DAB1: variants seen among roughly 807,000 people sequenced by gnomAD.
DAB1 encodes disabled homolog 1.
A neutral mutation model predicts 64.6 loss-of-function variants in DAB1; 15 were observed. The ratio of observed to expected loss-of-function variants is 0.23; its 90% CI spans 0.16 to 0.36. DAB1 has a LOEUF of 0.36. Ranked by LOEUF, DAB1 falls within the 10% of genes least tolerant of loss-of-function variation. DAB1 has a pLI of 1.00. For missense variants in DAB1, 596 were observed against 706.7 expected (o/e 0.84, Z 1.78); for synonymous variants, 235 against 251.9 (o/e 0.93, Z 0.64).
At chr1:57,032,520 G>C (rs867588477) in intron 9 of DAB1, among the ~76,000 whole-genome samples, 1 of 152,010 alleles carries the variant, frequency 6.6e-6, no homozygotes, top group Non-Finnish European at 1.5e-5. Flanking sequence ...TTTCTGTTTT[G>C]CTTCCTATGA....
At chr1:58,156,092 A>T (rs917370409) in intron 4 of DAB1, among the ~76,000 whole-genome samples, 2 of 152,168 alleles carry the variant, frequency 1.3e-5, no homozygotes, top group African/African-American at 4.8e-5. Flanking sequence ...ACACTATTTC[A>T]CTCATCAACA....
chr1:57,831,259 C>A (rs1412845717), intron 1 of DAB1, among the ~76,000 whole-genome samples: 1 of 152,050 alleles, frequency 6.6e-6, no homozygotes, highest in African/African-American at 2.4e-5. Context: ...TTCTGTGTGA[C>A]CCTTCCTGGG....
chr1:57,304,002 C>A (rs1242476612), intron 1 of DAB1, among the ~76,000 whole-genome samples: 1 of 152,190 alleles, frequency 6.6e-6, no homozygotes, highest in East Asian at 1.9e-4. Context: ...CTATACCTGT[C>A]ATCGGAACCC....
intron 7 of DAB1, among the ~76,000 whole-genome samples, chr1:57,493,762 G>GCACACACA (rs1414667024): frequency 5.3e-5 from 8 of 150,092 alleles, no homozygotes; most frequent in African/African-American, 2.0e-4. Context: ...CGTATTCACA[G>GCACACACA]CTCACACACA....
intron 5 of DAB1, among the ~76,000 whole-genome samples, chr1:58,039,394 C>T (rs1647099010): frequency 6.6e-6 from 1 of 152,192 alleles, no homozygotes; most frequent in Non-Finnish European, 1.5e-5. Flanking sequence ...TGATCAGGGT[C>T]CTGCCTTCCC....
chr1:57,521,881 G>A (rs956106586), intron 7 of DAB1, among the ~76,000 whole-genome samples: 6 of 152,214 alleles, frequency 3.9e-5, no homozygotes, highest in East Asian at 3.9e-4. Flanking sequence ...TGGCTGAGGC[G>A]GGCGGATCAC....
intron 4 of DAB1, among the ~76,000 whole-genome samples, chr1:58,164,400 T>C (rs1655710460): frequency 6.6e-6 from 1 of 152,144 alleles, no homozygotes; most frequent in South Asian, 2.1e-4. Flanking sequence ...GCAAAGAACA[T>C]ATCAAAATAG....
At chr1:57,978,430 G>A (rs116008187) in intron 5 of DAB1, among the ~76,000 whole-genome samples, 1,777 of 152,158 alleles carry the variant, frequency 0.012, 35 homozygotes, top group African/African-American at 0.041. Flanking sequence ...ATGGATCAAA[G>A]ACTCAAACGT....
chr1:58,062,856 C>T (rs1033713927), intron 5 of DAB1, among the ~76,000 whole-genome samples: 1 of 152,170 alleles, frequency 6.6e-6, no homozygotes, highest in African/African-American at 2.4e-5. Flanking sequence ...CAAGAAATGT[C>T]AAGAAAGCAC....
At chr1:57,400,753 C>T (rs150202457) in intron 1 of DAB1, among the ~76,000 whole-genome samples, 72 of 151,988 alleles carry the variant, frequency 4.7e-4, no homozygotes, top group African/African-American at 1.5e-3. Flanking sequence ...GAGAAGCAAT[C>T]ATAGCTTGTG....
chr1:57,672,695 A>T (rs964616004), intron 6 of DAB1, among the ~76,000 whole-genome samples: 1 of 152,176 alleles, frequency 6.6e-6, no homozygotes, highest in African/African-American at 2.4e-5. Context: ...TTTTGGAATA[A>T]TATCTTAGAG....
intron 4 of DAB1, among the ~76,000 whole-genome samples, chr1:57,077,085 C>A (rs1055496657): frequency 6.6e-6 from 1 of 152,062 alleles, no homozygotes; most frequent in East Asian, 1.9e-4. Context: ...CAGGAATGGG[C>A]GAAGGGCATC....
intron 6 of DAB1, among the ~76,000 whole-genome samples, chr1:57,694,170 ATTAACTT>A: frequency 6.6e-6 from 1 of 152,312 alleles, no homozygotes; most frequent in Non-Finnish European, 1.5e-5. Flanking sequence ...GATAGCTGTG[ATTAACTT>A]TTAAGTTTTG....
intron 1 of DAB1, among the ~76,000 whole-genome samples, chr1:57,297,166 A>G (rs565644049): frequency 6.6e-6 from 1 of 152,296 alleles, no homozygotes; most frequent in East Asian, 1.9e-4. Context: ...GTAATAAAAG[A>G]CAAAGAGAAG....
chr1:57,973,277 A>T (rs1378797528), intron 5 of DAB1, among the ~76,000 whole-genome samples: 1 of 152,188 alleles, frequency 6.6e-6, no homozygotes, highest in Non-Finnish European at 1.5e-5. Context: ...AAGCTCAAAG[A>T]GGCAAGGACT....
intron 4 of DAB1, among the ~76,000 whole-genome samples, chr1:58,191,767 T>C (rs899417286): frequency 1.3e-5 from 2 of 152,196 alleles, no homozygotes; most frequent in Admixed American, 6.5e-5. Context: ...CTGTGAAATG[T>C]TGAGAGTAGA....
intron 5 of DAB1, among the ~76,000 whole-genome samples, chr1:58,009,245 C>T (rs1472847799): frequency 6.6e-6 from 1 of 152,126 alleles, no homozygotes; most frequent in Non-Finnish European, 1.5e-5. Flanking sequence ...AGAATCCAGT[C>T]CTTGTAAACC....
intron 4 of DAB1, among the ~76,000 whole-genome samples, chr1:57,100,746 C>T (rs1271198): frequency 0.65 from 90,438 of 138,164 alleles, 28,702 homozygotes; most frequent in East Asian, 0.96. Context: ...ACTGGGAGCT[C>T]GCCAAGCTGG....
chr1:58,247,995 T>C (rs1221500628), intron 4 of DAB1, among the ~76,000 whole-genome samples: 1 of 151,964 alleles, frequency 6.6e-6, no homozygotes, highest in Non-Finnish European at 1.5e-5. Flanking sequence ...TACAAAAGAT[T>C]CCATTTTTAA....
Sources: gnomAD v4.1 joint callset for allele counts (sites outside exome capture counted in the v4.1 genomes callset) on GRCh38, gnomAD v4.1.1 for gene constraint, MANE v1.5 for transcripts, NCBI Gene and HGNC (gene_info 2026-07-23, HGNC 2026-07-21) for gene names.